RBMS3: variants seen among roughly 807,000 people sequenced by gnomAD.
The protein encoded by RBMS3 is RNA binding motif single stranded interacting protein 3.
RBMS3 carries 27 observed loss-of-function variants against 66.8 expected under a neutral mutation model. The observed-to-expected ratio is 0.40, with a 90% confidence interval of 0.30 to 0.56. The LOEUF (loss-of-function observed/expected upper bound fraction) is 0.56. Among genes scored for constraint, RBMS3 ranks in the 20% least tolerant of loss-of-function variants. The probability of loss-of-function intolerance (pLI) is 0.40; values close to 1 mark genes in which losing one functional copy is unlikely to be tolerated. For missense variants in RBMS3, 513 were observed against 549.5 expected, an observed-to-expected ratio of 0.93 and a Z score of 0.66; for synonymous variants, 188 against 183.0, an observed-to-expected ratio of 1.03 and a Z score of -0.22.
At chr3:29,611,915 C>T (rs1050710408) in intron 4 of RBMS3, among the ~76,000 whole-genome samples, 4 of 151,936 alleles carry the variant, frequency 2.6e-5, no homozygotes, top group Admixed American at 6.6e-5. Flanking sequence ...TGTATCCTCC[C>T]CAATGTACAT....
chr3:29,848,144 G>A lies in RBMS3; in HGVS notation c.638-20714G>A, dbSNP rs572228367. 3.3e-5 allele frequency among the ~76,000 whole-genome samples: 5 copies of A among 152,282 alleles called. 1 individual carries two copies. In the South Asian group the frequency reaches 1.0e-3, roughly 32 times the overall value. ...TCTCAGTTTCTGTTGGACATTTAAAGAGAGAGGGTAGCAGTGCTCACAGAA... is the reference window on the plus strand; with the variant it reads ...TCTCAGTTTCTGTTGGACATTTAAAAAGAGAGGGTAGCAGTGCTCACAGAA... On this transcript the variant is annotated intron_variant, in intron 6 of 14. Transcript: ENST00000383767.
chr3:29,659,638 C>G (rs900200125), intron 4 of RBMS3, among the ~76,000 whole-genome samples: 33 of 152,092 alleles, frequency 2.2e-4, no homozygotes, highest in Non-Finnish European at 4.3e-4. Flanking sequence ...TCAATAGATA[C>G]TTGGATTGCT....
At chr3:29,799,669 A>G (rs1443472235) in intron 6 of RBMS3, among the ~76,000 whole-genome samples, 1 of 152,210 alleles carries the variant, frequency 6.6e-6, no homozygotes, top group African/African-American at 2.4e-5. Flanking sequence ...TGAATAATTC[A>G]TTTTAATACA....
intron 4 of RBMS3, among the ~76,000 whole-genome samples, chr3:29,648,242 T>C (rs1012722526): frequency 2.0e-5 from 3 of 148,360 alleles, no homozygotes; most frequent in African/African-American, 5.0e-5. Flanking sequence ...TGTTCTAACA[T>C]AGGGAAAATA....
At chr3:29,899,971 G>T (rs1379866774) in intron 10 of RBMS3, among the ~76,000 whole-genome samples, 1 of 151,114 alleles carries the variant, frequency 6.6e-6, no homozygotes. Flanking sequence ...AAAGAGAGAG[G>T]GTGAAAAAGC....
intron 10 of RBMS3, among the ~76,000 whole-genome samples, chr3:29,912,222 T>A (rs1181395863): frequency 6.6e-6 from 1 of 152,092 alleles, no homozygotes; most frequent in Non-Finnish European, 1.5e-5. Flanking sequence ...TTTCTCCCGT[T>A]CTATTTTGTT....
At chr3:29,767,215 G>C (rs1300645927) in intron 6 of RBMS3, 2 of 151,922 alleles carry the variant, frequency 1.3e-5, no homozygotes, top group African/African-American at 4.8e-5. Flanking sequence ...ATGCGGAAAA[G>C]GTTTTCACAT....
At chr3:29,507,306 A>T (rs9990163) in intron 3 of RBMS3, among the ~76,000 whole-genome samples, 12,266 of 151,996 alleles carry the variant, frequency 0.081, 883 homozygotes, top group East Asian at 0.37. Flanking sequence ...ATGTTTTAGG[A>T]ATAGAAAAAT....
chr3:29,618,399 A>C (rs1191097984), intron 4 of RBMS3, among the ~76,000 whole-genome samples: 1 of 152,034 alleles, frequency 6.6e-6, no homozygotes, highest in African/African-American at 2.4e-5. Context: ...CCAGCTACCC[A>C]GGAGGCTGAG....
At chr3:29,689,119 ATAGATATAGATATATT>A (rs1290301549) in intron 4 of RBMS3, among the ~76,000 whole-genome samples, 63 of 27,612 alleles carry the variant, frequency 2.3e-3, no homozygotes, top group African/African-American at 0.01. Flanking sequence ...AGATATAGAT[ATAGATATAGATATATT>A]GGCTTCTTGC....
chr3:29,617,075 G>C (rs1273917961), intron 4 of RBMS3: 1 of 152,184 alleles, frequency 6.6e-6, no homozygotes. Flanking sequence ...ATGGATGAAA[G>C]GAGGAAGGGA....
At chr3:29,658,159 C>T (rs909520937) in intron 4 of RBMS3, among the ~76,000 whole-genome samples, 4 of 152,134 alleles carry the variant, frequency 2.6e-5, no homozygotes, top group Admixed American at 6.6e-5. Flanking sequence ...CCCGTGATGT[C>T]TTAGCAGGAA....
chr3:29,503,764 G>A (rs949910112), intron 3 of RBMS3, among the ~76,000 whole-genome samples: 1 of 152,032 alleles, frequency 6.6e-6, no homozygotes, highest in African/African-American at 2.4e-5. Flanking sequence ...CTGCTTCTTT[G>A]AAGCTGAAGA....
chr3:29,648,098 G>T (rs1478447047), intron 4 of RBMS3, among the ~76,000 whole-genome samples: 2 of 151,942 alleles, frequency 1.3e-5, no homozygotes, highest in Non-Finnish European at 2.9e-5. Context: ...AAATACATTT[G>T]CAATACAATC....
intron 6 of RBMS3, among the ~76,000 whole-genome samples, chr3:29,787,143 C>T (rs1172840443): frequency 6.6e-6 from 1 of 151,964 alleles, no homozygotes; most frequent in Admixed American, 6.6e-5. Context: ...CCACCTCACT[C>T]CTACAAGAAT....
intron 12 of RBMS3, among the ~76,000 whole-genome samples, chr3:29,977,908 T>TAA (rs58268240): frequency 8.4e-5 from 12 of 143,114 alleles, no homozygotes; most frequent in East Asian, 8.0e-4. Flanking sequence ...GAGGCTCTAG[T>TAA]AAAAAAAAAA....
At chr3:29,371,943 C>A (rs2038226270) in intron 1 of RBMS3, among the ~76,000 whole-genome samples, 1 of 152,036 alleles carries the variant, frequency 6.6e-6, no homozygotes. Context: ...ATTTATTAAT[C>A]ATTTGAACAT....
intron 5 of RBMS3, 68 bp from the exon 6 acceptor site, chr3:29,762,842 T>C: frequency 3.6e-6 from 4 of 1,104,072 alleles, no homozygotes; most frequent in Non-Finnish European, 5.3e-6. Flanking sequence ...TTTCTTGTTT[T>C]CCTTTACTTC....
chr3:29,885,226 C>A (rs1251590101), intron 8 of RBMS3, among the ~76,000 whole-genome samples: 1 of 151,810 alleles, frequency 6.6e-6, no homozygotes, highest in African/African-American at 2.4e-5. Flanking sequence ...ATCTACTCGT[C>A]CATGAAAAAG....
Sources: allele counts gnomAD v4.1 joint callset (sites outside exome capture counted in the v4.1 genomes callset), GRCh38; gene constraint gnomAD v4.1.1; transcripts MANE v1.5; gene names NCBI Gene and HGNC (gene_info 2026-07-23, HGNC 2026-07-21).